The following HGSNAT variants were observed in gnomAD, a reference collection of about 807,000 sequenced individuals.
HGSNAT encodes heparan-alpha-glucosaminide N-acetyltransferase, also known as transmembrane protein 76.
In HGSNAT, 59 loss-of-function variants were observed where a neutral mutation model predicts 85.2. The ratio of observed to expected loss-of-function variants is 0.69; its 90% CI spans 0.56 to 0.86. The LOEUF is 0.86. HGSNAT is among the 40% of genes least tolerant of loss of function. HGSNAT has a pLI of 0.00. For synonymous variants in HGSNAT, 321 were observed against 304.5 expected (o/e 1.05, Z -0.56); for missense variants, 756 against 777.1 (o/e 0.97, Z 0.32).
At chr8:43,142,951 A>C (rs554383006) in intron 1 of HGSNAT, among the ~76,000 whole-genome samples, 1 of 152,370 alleles carries the variant, frequency 6.6e-6, no homozygotes, top group Admixed American at 6.5e-5. Context: ...ATGTGTGGAG[A>C]AATTACGAAG....
intron 11 of HGSNAT, among the ~76,000 whole-genome samples, chr8:43,183,139 A>G (rs762614204): frequency 9.9e-5 from 15 of 152,242 alleles, no homozygotes; most frequent in East Asian, 3.9e-4. Context: ...AACATGCACA[A>G]TCCTCTCTGC....
intron 5 of HGSNAT, among the ~76,000 whole-genome samples, chr8:43,166,398 G>T (rs1042532744): frequency 6.6e-6 from 1 of 152,274 alleles, no homozygotes; most frequent in East Asian, 1.9e-4. Context: ...AGGAGCTAAC[G>T]CAACTGGTGA....
intron 6 of HGSNAT, among the ~76,000 whole-genome samples, chr8:43,169,560 C>T (rs1425149051): frequency 6.6e-6 from 1 of 152,158 alleles, no homozygotes; most frequent in Non-Finnish European, 1.5e-5. Context: ...AAATAAGAGA[C>T]AACAATATTA....
At chr8:43,182,918 A>G (rs894930242) in intron 11 of HGSNAT, among the ~76,000 whole-genome samples, 2 of 152,188 alleles carry the variant, frequency 1.3e-5, no homozygotes, top group African/African-American at 2.4e-5. Context: ...ACACGACATG[A>G]GATCTATCCT....
At position 43,178,205 on chromosome 8, in the gene HGSNAT, T is replaced by C. The variant is rs906833070; in HGVS notation, c.983T>C (p.Ile328Thr). The C allele has an allele frequency of 1.9e-6, 3 of 1,558,066 alleles. No homozygotes were observed. Among genetic ancestry groups the C allele is most frequent in the Admixed American group, 2.1e-5 (1 of 48,752 alleles). Residue 328 changes from isoleucine to threonine, a missense_variant, in exon 10 of 18, where the codon ATT becomes ACT. Transcript: ENST00000379644. ...CTGTTAATCTGCATAGGAATTATCA[T>C]TGTGAATCCCAATTATTGCCTTGGT... ...SFLLICIGII[I>T]VNPNYCLGPL...
At chr8:43,198,702 A>G (rs1804817282) in intron 17 of HGSNAT, among the ~76,000 whole-genome samples, 1 of 152,216 alleles carries the variant, frequency 6.6e-6, no homozygotes, top group Non-Finnish European at 1.5e-5. Flanking sequence ...GGAATGATTT[A>G]GATGCAGTTC....
At chr8:43,150,722 T>A (rs1390333897) in intron 2 of HGSNAT, among the ~76,000 whole-genome samples, 1 of 152,000 alleles carries the variant, frequency 6.6e-6, no homozygotes, top group Non-Finnish European at 1.5e-5. Flanking sequence ...TAGTCCCAGC[T>A]ACTCGGGAGG....
intron 5 of HGSNAT, among the ~76,000 whole-genome samples, chr8:43,164,264 G>C (rs1289559017): frequency 6.6e-6 from 1 of 152,156 alleles, no homozygotes; most frequent in Non-Finnish European, 1.5e-5. Context: ...GGATGATGGA[G>C]GTCCATTATT....
chr8:43,181,070 G>C (rs1804078714), intron 10 of HGSNAT, among the ~76,000 whole-genome samples: 1 of 107,724 alleles, frequency 9.3e-6, no homozygotes, highest in Admixed American at 9.6e-5. Context: ...CTCGGCATCA[G>C]AGGGAGACCG....
At chr8:43,172,887 T>C (rs1563369126) in intron 8 of HGSNAT, among the ~76,000 whole-genome samples, 1 of 152,212 alleles carries the variant, frequency 6.6e-6, no homozygotes, top group Admixed American at 6.5e-5. Context: ...CGTGTCTACA[T>C]ATTTCTAGTT....
chr8:43,168,037 G>T, intron 5 of HGSNAT: 1 of 194,724 alleles, frequency 5.1e-6, no homozygotes, highest in South Asian at 5.9e-5. Context: ...TCCTACCTCA[G>T]CCTCCTGAGT....
chr8:43,169,319 A>T, intron 6 of HGSNAT, 77 bp downstream of exon 6: 1 of 959,898 alleles, frequency 1.0e-6, no homozygotes, highest in Non-Finnish European at 1.6e-6. Flanking sequence ...TTTAATCATT[A>T]TTGTCCAGTT....
chr8:43,188,208 A>C (rs995168058), intron 11 of HGSNAT, among the ~76,000 whole-genome samples: 1 of 152,146 alleles, frequency 6.6e-6, no homozygotes, highest in Admixed American at 6.5e-5. Flanking sequence ...GGGTTGCGGA[A>C]GTTCTCCTAG....
intron 2 of HGSNAT, among the ~76,000 whole-genome samples, chr8:43,149,404 T>G (rs1472481671): frequency 1.3e-5 from 2 of 151,966 alleles, no homozygotes; most frequent in Non-Finnish European, 1.5e-5. Context: ...TAATGATAAT[T>G]TTTAAAATTT....
intron 15 of HGSNAT, 110 bp from the exon 16 acceptor site, chr8:43,197,562 G>A (rs1804765850): frequency 8.9e-6 from 7 of 785,376 alleles, no homozygotes; most frequent in Non-Finnish European, 1.5e-5. Flanking sequence ...TAAGGCACAA[G>A]TTTCAGCCCT....
chr8:43,190,584 C>T (rs976912940), intron 11 of HGSNAT, among the ~76,000 whole-genome samples: 3 of 152,134 alleles, frequency 2.0e-5, no homozygotes, highest in Admixed American at 1.3e-4. Context: ...TCTGTGGGAC[C>T]TGAGGGTCCG....
chr8:43,176,706 C>A (rs1205094066), intron 9 of HGSNAT, among the ~76,000 whole-genome samples: 1 of 151,920 alleles, frequency 6.6e-6, no homozygotes, highest in Non-Finnish European at 1.5e-5. Flanking sequence ...TTTTTTGGTG[C>A]CCTCTTCAAT....
chr8:43,176,174 T>C (rs922240121), intron 9 of HGSNAT, among the ~76,000 whole-genome samples: 2 of 152,220 alleles, frequency 1.3e-5, no homozygotes, highest in Non-Finnish European at 2.9e-5. Context: ...AGTTTCATAG[T>C]TTGAGGTCTT....
intron 14 of HGSNAT, 153 bp downstream of exon 14, chr8:43,193,996 C>G: frequency 7.2e-7 from 1 of 1,386,310 alleles, no homozygotes; most frequent in Non-Finnish European, 9.4e-7. Flanking sequence ...TTGTGCAGAA[C>G]CAAAAGTTAC....
Sources: gnomAD v4.1 joint callset for allele counts (sites outside exome capture counted in the v4.1 genomes callset) on GRCh38, gnomAD v4.1.1 for gene constraint, MANE v1.5 for transcripts, NCBI Gene and HGNC (gene_info 2026-07-23, HGNC 2026-07-21) for gene names.